The following WDR89 variants were observed in gnomAD, a reference collection of about 807,000 sequenced individuals.
The protein encoded by WDR89 is WD repeat-containing protein 89.
A neutral mutation model predicts 29.1 loss-of-function variants in WDR89; 17 were observed. The observed-to-expected ratio is 0.58, with a 90% CI of 0.40 to 0.88. WDR89 has a LOEUF of 0.88. Among genes scored for constraint, WDR89 ranks in the 40% least tolerant of loss-of-function variants. WDR89 has a pLI of 0.00. For missense variants in WDR89, 396 were observed against 456.3 expected (o/e 0.87, Z 1.20); for synonymous variants, 138 against 157.8 (o/e 0.87, Z 0.94).
intron 1 of WDR89, among the ~76,000 whole-genome samples, chr14:63,630,290 T>C (rs1343147151): frequency 6.6e-6 from 1 of 151,554 alleles, no homozygotes; most frequent in Non-Finnish European, 1.5e-5. Flanking sequence ...ATGTAGAAGA[T>C]GGATTTAAAT....
At chr14:63,611,610 GGTTAT>G (rs1186239547) in intron 2 of WDR89, among the ~76,000 whole-genome samples, 19 of 151,876 alleles carry the variant, frequency 1.3e-4, no homozygotes, top group African/African-American at 4.4e-4. Flanking sequence ...AATGTTCCAT[GGTTAT>G]GTTAACATTA....
chr14:63,633,457 A>T (rs1015649175), intron 1 of WDR89, among the ~76,000 whole-genome samples: 2 of 152,172 alleles, frequency 1.3e-5, no homozygotes, highest in Non-Finnish European at 2.9e-5. Flanking sequence ...AATCATGTAA[A>T]CATATCTCTC....
intron 2 of WDR89, among the ~76,000 whole-genome samples, chr14:63,609,712 C>T (rs932492703): frequency 2.6e-5 from 4 of 151,870 alleles, no homozygotes; most frequent in Non-Finnish European, 5.9e-5. Context: ...ATTGCTTATA[C>T]CTGGAAGGTG....
intron 2 of WDR89, among the ~76,000 whole-genome samples, chr14:63,624,595 T>C (rs1882916854): frequency 6.7e-6 from 1 of 149,528 alleles, no homozygotes; most frequent in Non-Finnish European, 1.5e-5. Flanking sequence ...ATATCCAGAA[T>C]ATATAAAGAA....
intron 2 of WDR89, among the ~76,000 whole-genome samples, chr14:63,602,720 C>T (rs1157126637): frequency 6.7e-6 from 1 of 149,494 alleles, no homozygotes; most frequent in Non-Finnish European, 1.5e-5. Context: ...TGCGGTGAGC[C>T]GAGATCGCGC....
chr14:63,605,166 C>A lies in WDR89; in HGVS notation c.-31-5193G>T, dbSNP rs545533052. 7.3e-3 allele frequency among the ~76,000 whole-genome samples: 1,046 copies of A among 143,976 alleles called. 11 individuals carry two copies. Among genetic ancestry groups the A allele is most frequent in the South Asian group, 0.03 (140 of 4,682 alleles). The allele number at this position is 143,976 out of a possible 152,430, so 94.5% of individuals were successfully genotyped here. A position where few individuals can be genotyped will look rare whatever the true frequency, so the allele number is the denominator to read the frequency against. On this transcript the variant is annotated intron_variant, in intron 2 of 2. Transcript: ENST00000620954. ...ACGTGCTGTCTGTCTCTCTCTCTCT[C>A]TATATATATATATATACACACACAC...
intron 2 of WDR89, among the ~76,000 whole-genome samples, chr14:63,624,429 T>C (rs977569075): frequency 3.4e-5 from 5 of 146,560 alleles, no homozygotes; most frequent in African/African-American, 1.3e-4. Context: ...ATTGCATCAC[T>C]GCCACTTCAG....
chr14:63,599,837 G>T lies in WDR89; in HGVS notation c.106C>A (p.Gln36Lys), dbSNP rs749824511. 1.2e-6 allele frequency: 2 copies of T among 1,613,902 alleles called. No individual in the cohort carries two copies. Among genetic ancestry groups the T allele is most frequent in the Non-Finnish European group, 1.7e-6 (2 of 1,180,028 alleles). The change falls in exon 3 of 3, where the codon CAA (glutamine) becomes AAA (lysine). Residue 36 changes from glutamine (Q) to lysine (K), a missense_variant. By Grantham distance (53) the Gln-to-Lys change is moderately conservative. Coordinates refer to ENST00000620954, the MANE Select transcript of WDR89 (RefSeq NM_080666.4). ...LLGIDTSKTV[Q>K]AGKENLVAVL... ...GCAACCAAGTTTTCCTTTCCTGCTT[G>T]GACAGTCTTTGATGTGTCTATACCA...
At chr14:63,627,043 G>A (rs538856378) in intron 1 of WDR89, among the ~76,000 whole-genome samples, 14 of 151,908 alleles carry the variant, frequency 9.2e-5, no homozygotes, top group African/African-American at 3.4e-4. Context: ...ATCACTTGAG[G>A]CTAGGAGTTC....
intron 1 of WDR89, among the ~76,000 whole-genome samples, chr14:63,632,162 A>C (rs1431909516): frequency 6.6e-6 from 1 of 152,002 alleles, no homozygotes; most frequent in Non-Finnish European, 1.5e-5. Flanking sequence ...AAGTAAATCC[A>C]AAAATCAAGA....
intron 2 of WDR89, among the ~76,000 whole-genome samples, chr14:63,620,651 A>AAGGC (rs1187201897): frequency 1.3e-5 from 2 of 152,058 alleles, no homozygotes; most frequent in African/African-American, 4.8e-5. Context: ...TTGGGAGGCC[A>AAGGC]AGGCAGGCGG....
intron 2 of WDR89, among the ~76,000 whole-genome samples, chr14:63,621,605 A>C (rs1882699972): frequency 6.6e-6 from 1 of 152,162 alleles, no homozygotes; most frequent in African/African-American, 2.4e-5. Context: ...CTCAAAAAAA[A>C]AGAATTACTA....
At chr14:63,641,703 G>A (rs1037883778) in intron 1 of WDR89, 101 bp downstream of exon 1, 3 of 152,536 alleles carry the variant, frequency 2.0e-5, no homozygotes, top group Non-Finnish European at 4.4e-5. Flanking sequence ...CGCGATAGCT[G>A]TCCAGCAACT....
At chr14:63,639,626 G>C (rs1249532864) in intron 1 of WDR89, among the ~76,000 whole-genome samples, 1 of 152,018 alleles carries the variant, frequency 6.6e-6, no homozygotes, top group South Asian at 2.1e-4. Flanking sequence ...GACCATTCCA[G>C]TTCAGATTTA....
At chr14:63,640,126 GA>G (rs1884007287) in intron 1 of WDR89, among the ~76,000 whole-genome samples, 2 of 152,184 alleles carry the variant, frequency 1.3e-5, no homozygotes, top group Admixed American at 1.3e-4. Context: ...ACTGAACAAG[GA>G]GATAAGCAGT....
At chr14:63,614,298 CTTTTCTTT>C (rs1882170282) in intron 2 of WDR89, among the ~76,000 whole-genome samples, 2 of 151,200 alleles carry the variant, frequency 1.3e-5, no homozygotes, top group African/African-American at 2.4e-5. Flanking sequence ...CATATCCTTT[CTTTTCTTT>C]TTTTCTTTTT....
chr14:63,636,290 C>T (rs1468743420), intron 1 of WDR89, among the ~76,000 whole-genome samples: 1 of 152,184 alleles, frequency 6.6e-6, no homozygotes, highest in African/African-American at 2.4e-5. Context: ...GGAAACACAT[C>T]CCATGTTCAT....
chr14:63,600,326 G>A (rs948325269), intron 2 of WDR89, among the ~76,000 whole-genome samples: 2 of 151,336 alleles, frequency 1.3e-5, no homozygotes, highest in South Asian at 2.1e-4. Flanking sequence ...AGACCCCCCC[G>A]CCGTCTCTTC....
At chr14:63,605,820 A>G (rs1895297435) in intron 2 of WDR89, among the ~76,000 whole-genome samples, 1 of 152,152 alleles carries the variant, frequency 6.6e-6, no homozygotes, top group Non-Finnish European at 1.5e-5. Context: ...AAGGAAGTTA[A>G]CTGTGAACAG....
Sources: allele counts gnomAD v4.1 joint callset (sites outside exome capture counted in the v4.1 genomes callset), GRCh38; gene constraint gnomAD v4.1.1; transcripts MANE v1.5; gene names NCBI Gene and HGNC (gene_info 2026-07-23, HGNC 2026-07-21).